Variants in KCND3 observed in about 807,000 individuals in gnomAD.
The protein encoded by KCND3 is A-type voltage-gated potassium channel KCND3.
KCND3 carries 9 observed loss-of-function variants against 51.1 expected under a neutral mutation model. That is an observed-to-expected ratio of 0.18 (90% CI 0.11 to 0.31). The LOEUF is 0.31. KCND3 is among the 10% of genes least tolerant of loss of function. The pLI, the probability that KCND3 is intolerant of heterozygous loss-of-function variation, is 1.00. For synonymous variants in KCND3, 349 were observed against 368.0 expected, an observed-to-expected ratio of 0.95 and a Z score of 0.59; for missense variants, 526 against 903.8, an observed-to-expected ratio of 0.58 and a Z score of 5.36.
At chr1:111,965,313 T>C (rs1313314414) in intron 2 of KCND3, among the ~76,000 whole-genome samples, 2 of 151,902 alleles carry the variant, frequency 1.3e-5, no homozygotes, top group East Asian at 1.9e-4. Flanking sequence ...GAGGTAATCT[T>C]CCAAGAATGG....
chr1:111,960,623 G>A (rs1439843487), intron 2 of KCND3, among the ~76,000 whole-genome samples: 1 of 152,250 alleles, frequency 6.6e-6, no homozygotes, highest in Non-Finnish European at 1.5e-5. Context: ...ACTTGGGCCA[G>A]AGGTGGGGTA....
At chr1:111,969,516 G>T (rs114823897) in intron 2 of KCND3, among the ~76,000 whole-genome samples, 1 of 152,168 alleles carries the variant, frequency 6.6e-6, no homozygotes, top group Non-Finnish European at 1.5e-5. Context: ...CTGATCAGTG[G>T]TAAGCTCTGA....
chr1:111,880,162 C>T (rs1367404753), intron 2 of KCND3, among the ~76,000 whole-genome samples: 1 of 152,098 alleles, frequency 6.6e-6, no homozygotes, highest in African/African-American at 2.4e-5. Context: ...AACGCTAGAA[C>T]CTGCCTGGTA....
chr1:111,904,663 G>T (rs190589460), intron 2 of KCND3, among the ~76,000 whole-genome samples: 247 of 152,298 alleles, frequency 1.6e-3, no homozygotes, highest in African/African-American at 5.5e-3. Context: ...TGTGGGCACG[G>T]GCACAGGCGA....
chr1:111,779,312 C>T (rs1333844092), intron 5 of KCND3, among the ~76,000 whole-genome samples: 1 of 151,976 alleles, frequency 6.6e-6, no homozygotes, highest in Non-Finnish European at 1.5e-5. Flanking sequence ...CCACACCCCC[C>T]TCCCCACCAA....
At chr1:111,889,961 A>T (rs1347471291) in intron 2 of KCND3, among the ~76,000 whole-genome samples, 1 of 152,178 alleles carries the variant, frequency 6.6e-6, no homozygotes, top group Non-Finnish European at 1.5e-5. Context: ...AGGTGGAAGC[A>T]TTCCTGGAAC....
rs375218423 is a variant in KCND3, at chr1:111,951,872, AC to A, written c.1106+29748del. ...ACATCCAAGGTGATAGTGTGGGAAG[AC>A]GGAGAAGCAACAGCAGAGGGTCTAA... On this transcript the variant is annotated intron_variant, in intron 2 of 7. Coordinates refer to ENST00000302127, the MANE Select transcript of KCND3 (RefSeq NM_001378969.1). 3.4e-3 allele frequency among the ~76,000 whole-genome samples: 522 copies of A among 152,330 alleles called. 1 individual carries two copies. The highest frequency in any genetic ancestry group is 6.6e-3 in the Admixed American group (101 of 15,304).
intron 2 of KCND3, among the ~76,000 whole-genome samples, chr1:111,870,714 AG>A (rs1355243532): frequency 1.6e-5 from 1 of 63,202 alleles, no homozygotes; most frequent in Non-Finnish European, 5.5e-5. Flanking sequence ...GATTGCACTC[AG>A]TGAAAGAAAA....
At chr1:111,958,748 A>G (rs1673470665) in intron 2 of KCND3, among the ~76,000 whole-genome samples, 1 of 152,160 alleles carries the variant, frequency 6.6e-6, no homozygotes, top group Admixed American at 6.5e-5. Context: ...ACACTGCACT[A>G]TAGCCCTTTG....
At chr1:111,859,404 A>G (rs1460771480) in intron 2 of KCND3, among the ~76,000 whole-genome samples, 1 of 152,210 alleles carries the variant, frequency 6.6e-6, no homozygotes, top group Non-Finnish European at 1.5e-5. Flanking sequence ...GTTGGATGGG[A>G]TGACTTCACA....
At chr1:111,989,413 G>T (rs1675508469) in intron 1 of KCND3, among the ~76,000 whole-genome samples, 92 bp downstream of exon 1, 1 of 152,062 alleles carries the variant, frequency 6.6e-6, no homozygotes, top group Non-Finnish European at 1.5e-5. Context: ...GCGGGAGTGG[G>T]AGGGTGCCGC....
intron 2 of KCND3, among the ~76,000 whole-genome samples, chr1:111,836,791 G>T (rs1292705116): frequency 6.6e-6 from 1 of 152,056 alleles, no homozygotes; most frequent in Non-Finnish European, 1.5e-5. Context: ...AATTTCCCAA[G>T]ATCCCACCTC....
At chr1:111,938,198 C>T (rs535070909) in intron 2 of KCND3, among the ~76,000 whole-genome samples, 3 of 152,298 alleles carry the variant, frequency 2.0e-5, no homozygotes, top group East Asian at 3.9e-4. Flanking sequence ...ACAGTGACAT[C>T]CAGGACCAGG....
chr1:111,882,314 G>C (rs533199328), intron 2 of KCND3, among the ~76,000 whole-genome samples: 3 of 152,336 alleles, frequency 2.0e-5, no homozygotes, highest in Non-Finnish European at 2.9e-5. Flanking sequence ...CTACAAATAT[G>C]CTCGAGTGGG....
At chr1:111,811,377 C>T (rs1234463927) in intron 2 of KCND3, among the ~76,000 whole-genome samples, 1 of 152,194 alleles carries the variant, frequency 6.6e-6, no homozygotes, top group Non-Finnish European at 1.5e-5. Flanking sequence ...GAAAATACTA[C>T]ACCAAGATGA....
At chr1:111,939,392 C>T (rs893227234) in intron 2 of KCND3, among the ~76,000 whole-genome samples, 3 of 152,128 alleles carry the variant, frequency 2.0e-5, no homozygotes, top group African/African-American at 7.2e-5. Context: ...TCCCCACCCC[C>T]CAACAGGCCC....
rs778258244 is a variant in KCND3 at position 111,796,779 on chromosome 1, C to T, written c.1107-9673G>A. Among the ~76,000 whole-genome samples, 8 of 152,182 alleles carry T rather than the reference C, an allele frequency of 5.3e-5. No homozygotes were observed. The South Asian group carries it at 6.2e-4, about 12-fold the overall frequency. The stretch of plus-strand genomic sequence containing the variant: ...AGCCTTGAGACAATGGAGAAACTTT[C>T]AAAGTGGCATGAACCTAGAAACCCT... On this transcript the variant is annotated intron_variant, in intron 2 of 7. Coordinates refer to ENST00000302127, the MANE Select transcript of KCND3 (RefSeq NM_001378969.1).
chr1:111,826,975 T>C (rs1019138208), intron 2 of KCND3, among the ~76,000 whole-genome samples: 5 of 152,230 alleles, frequency 3.3e-5, no homozygotes, highest in Admixed American at 1.3e-4. Context: ...CACATTAAAC[T>C]TATGGTTGAG....
chr1:111,965,518 C>T (rs888107667), intron 2 of KCND3, among the ~76,000 whole-genome samples: 1 of 145,062 alleles, frequency 6.9e-6, no homozygotes, highest in Non-Finnish European at 1.5e-5. Context: ...GGTTCTGAGT[C>T]TCTCCTCCAA....
Sources: allele counts gnomAD v4.1 joint callset (sites outside exome capture counted in the v4.1 genomes callset), GRCh38; gene constraint gnomAD v4.1.1; transcripts MANE v1.5; gene names NCBI Gene and HGNC (gene_info 2026-07-23, HGNC 2026-07-21).